Variants in LOC128462377 observed in about 807,000 individuals in gnomAD.
chr16:89,351,214 G>A, the LOC128462377 span, among the ~76,000 whole-genome samples: 2 of 152,336 alleles, frequency 1.3e-5, no homozygotes, highest in African/African-American at 4.8e-5. Context: ...CTGGTGGTGG[G>A]CATGGGCGAG....
the LOC128462377 span, among the ~76,000 whole-genome samples, chr16:89,322,196 T>G: frequency 1.3e-5 from 2 of 152,208 alleles, no homozygotes; most frequent in African/African-American, 4.8e-5. Context: ...TTGCTGTAAT[T>G]TGTATTAAAA....
chr16:89,335,429 C>T, the LOC128462377 span, among the ~76,000 whole-genome samples: 153 of 152,298 alleles, frequency 1.0e-3, no homozygotes, highest in African/African-American at 3.3e-3. Context: ...GGGTCTCTGC[C>T]GTCCTGAGCT....
chr16:89,317,335 C>T, the LOC128462377 span, among the ~76,000 whole-genome samples: 6 of 152,222 alleles, frequency 3.9e-5, no homozygotes, highest in East Asian at 1.9e-4. Flanking sequence ...CAGAAAGGGA[C>T]GCATGGCCTA....
chr16:89,397,414 T>C, the LOC128462377 span, among the ~76,000 whole-genome samples: 7 of 152,360 alleles, frequency 4.6e-5, no homozygotes, highest in East Asian at 1.4e-3. Context: ...TCCTCAGTGA[T>C]TCTGGACTCC....
chr16:89,414,011 C>T, the LOC128462377 span, among the ~76,000 whole-genome samples: 1 of 152,136 alleles, frequency 6.6e-6, no homozygotes, highest in African/African-American at 2.4e-5. Context: ...ACTTCCAGCC[C>T]AGCCACCACC....
the LOC128462377 span, among the ~76,000 whole-genome samples, chr16:89,358,725 C>T: frequency 1.5e-3 from 223 of 152,324 alleles, no homozygotes; most frequent in Admixed American, 2.2e-3. Context: ...GTGCTGAGGA[C>T]GGGACATCTG....
the LOC128462377 span, among the ~76,000 whole-genome samples, chr16:89,366,904 C>T: frequency 6.6e-6 from 1 of 152,222 alleles, no homozygotes; most frequent in African/African-American, 2.4e-5. Context: ...CTGTGAACGA[C>T]CCTTTAAGAA....
At chr16:89,385,538 G>C in the LOC128462377 span, among the ~76,000 whole-genome samples, 1 of 152,160 alleles carries the variant, frequency 6.6e-6, no homozygotes, top group East Asian at 1.9e-4. Flanking sequence ...CCCTGTGTCA[G>C]AGCCTCAAGC....
the LOC128462377 span, among the ~76,000 whole-genome samples, chr16:89,325,458 C>G: frequency 7.3e-6 from 1 of 137,434 alleles, no homozygotes; most frequent in Non-Finnish European, 1.5e-5. Flanking sequence ...TCCTCTCTCT[C>G]TCTCTCTCTC....
the LOC128462377 span, among the ~76,000 whole-genome samples, chr16:89,414,370 GTCAC>G: frequency 6.6e-6 from 1 of 152,166 alleles, no homozygotes; most frequent in Non-Finnish European, 1.5e-5. Flanking sequence ...GCAGTCCGCT[GTCAC>G]TCACGGCCAC....
At chr16:89,377,235 A>G in the LOC128462377 span, among the ~76,000 whole-genome samples, 1 of 152,162 alleles carries the variant, frequency 6.6e-6, no homozygotes, top group Non-Finnish European at 1.5e-5. Flanking sequence ...GGCTCATTAC[A>G]CACAGCATGC....
At chr16:89,395,475 T>A in the LOC128462377 span, among the ~76,000 whole-genome samples, 1 of 152,112 alleles carries the variant, frequency 6.6e-6, no homozygotes, top group African/African-American at 2.4e-5. Flanking sequence ...GTGCTGCTTC[T>A]GTGAGCATGC....
the LOC128462377 span, chr16:89,321,358 G>C: frequency 6.6e-6 from 1 of 151,656 alleles, no homozygotes; most frequent in Non-Finnish European, 1.5e-5. Context: ...GGACAACCCT[G>C]AGACACCTGT....
chr16:89,351,585 G>C, the LOC128462377 span, among the ~76,000 whole-genome samples: 2 of 152,218 alleles, frequency 1.3e-5, no homozygotes, highest in Non-Finnish European at 2.9e-5. Flanking sequence ...TGGAGACGAA[G>C]CTTCTCTCTG....
chr16:89,341,689 C>T, the LOC128462377 span, among the ~76,000 whole-genome samples: 1 of 152,252 alleles, frequency 6.6e-6, no homozygotes, highest in Non-Finnish European at 1.5e-5. Context: ...TCCCCTCACA[C>T]ACCTATTCAT....
chr16:89,319,382 G>A, the LOC128462377 span, among the ~76,000 whole-genome samples: 1 of 152,220 alleles, frequency 6.6e-6, no homozygotes, highest in Non-Finnish European at 1.5e-5. Flanking sequence ...GGAGGAAGTG[G>A]GTCGCACCCA....
the LOC128462377 span, among the ~76,000 whole-genome samples, chr16:89,405,521 C>T: frequency 1.4e-5 from 2 of 138,092 alleles, no homozygotes; most frequent in South Asian, 4.6e-4. Flanking sequence ...TTGGTAGAGA[C>T]AGGGTTCTCA....
chr16:89,401,896 C>G, the LOC128462377 span, among the ~76,000 whole-genome samples: 7 of 151,850 alleles, frequency 4.6e-5, no homozygotes, highest in South Asian at 2.1e-4. Context: ...ACACCAGAGA[C>G]TCCCCCATCC....
chr16:89,317,413 C>T, the LOC128462377 span, among the ~76,000 whole-genome samples: 1 of 152,218 alleles, frequency 6.6e-6, no homozygotes, highest in Admixed American at 6.5e-5. Flanking sequence ...GTACAGGCTA[C>T]ACCCAAAACG....
Sources: gnomAD v4.1 joint callset for allele counts (sites outside exome capture counted in the v4.1 genomes callset) on GRCh38, gnomAD v4.1.1 for gene constraint, MANE v1.5 for transcripts.